ZCCHC7: variants seen among roughly 807,000 people sequenced by gnomAD.
ZCCHC7 encodes zinc finger CCHC domain-containing protein 7.
A neutral mutation model predicts 52.0 loss-of-function variants in ZCCHC7; 35 were observed. That is an observed-to-expected ratio of 0.67 (90% CI 0.51 to 0.89). The LOEUF (loss-of-function observed/expected upper bound fraction) is 0.89. Among genes scored for constraint, ZCCHC7 ranks in the 40% least tolerant of loss-of-function variants. The probability of loss-of-function intolerance (pLI) is 0.00; values close to 1 mark genes in which losing one functional copy is unlikely to be tolerated. For synonymous variants in ZCCHC7, 217 were observed against 221.5 expected (o/e 0.98, Z 0.18); for missense variants, 574 against 649.1 (o/e 0.88, Z 1.26).
At chr9:37,127,818 A>G (rs1363305305) in intron 2 of ZCCHC7, among the ~76,000 whole-genome samples, 1 of 152,172 alleles carries the variant, frequency 6.6e-6, no homozygotes, top group Admixed American at 6.5e-5. Flanking sequence ...AGCCCCTGGG[A>G]TTGGCAAATG....
chr9:37,255,645 T>G (rs1314937489), intron 2 of ZCCHC7, among the ~76,000 whole-genome samples: 1 of 152,142 alleles, frequency 6.6e-6, no homozygotes, highest in African/African-American at 2.4e-5. Flanking sequence ...ACTGAGCATT[T>G]GAAATGAGCT....
intron 2 of ZCCHC7, among the ~76,000 whole-genome samples, chr9:37,196,142 TC>T (rs1252198128): frequency 2.0e-5 from 3 of 152,062 alleles, no homozygotes; most frequent in Non-Finnish European, 4.4e-5. Context: ...GGAAAGAAAA[TC>T]CCAGGAATCA....
chr9:37,313,447 C>A (rs1829681043), intron 5 of ZCCHC7, among the ~76,000 whole-genome samples: 1 of 152,106 alleles, frequency 6.6e-6, no homozygotes, highest in South Asian at 2.1e-4. Context: ...GAACTGTTAC[C>A]AAGCCACCTA....
chr9:37,131,937 T>C (rs1025655378), intron 2 of ZCCHC7, among the ~76,000 whole-genome samples: 9 of 152,240 alleles, frequency 5.9e-5, no homozygotes, highest in African/African-American at 2.2e-4. Flanking sequence ...CTATTACATA[T>C]GACTTTCAGC....
chr9:37,314,893 T>C (rs945693998), intron 5 of ZCCHC7, among the ~76,000 whole-genome samples: 1 of 152,126 alleles, frequency 6.6e-6, no homozygotes, highest in Non-Finnish European at 1.5e-5. Flanking sequence ...GACTTACTTA[T>C]AGGGATCTGT....
intron 2 of ZCCHC7, among the ~76,000 whole-genome samples, chr9:37,192,100 T>C (rs893199294): frequency 1.3e-5 from 2 of 152,224 alleles, no homozygotes; most frequent in East Asian, 3.8e-4. Context: ...TTCAGAACTT[T>C]AGTTAAAAAG....
intron 5 of ZCCHC7, among the ~76,000 whole-genome samples, chr9:37,321,204 G>A (rs1449166738): frequency 6.6e-6 from 1 of 151,688 alleles, no homozygotes; most frequent in Non-Finnish European, 1.5e-5. Flanking sequence ...TAGCCAGGAT[G>A]GTCTTGATCT....
At chr9:37,345,123 C>A (rs1171427296) in intron 6 of ZCCHC7, among the ~76,000 whole-genome samples, 1 of 152,240 alleles carries the variant, frequency 6.6e-6, no homozygotes, top group African/African-American at 2.4e-5. Context: ...CACTTGCCAA[C>A]AACTTCCTAT....
intron 5 of ZCCHC7, among the ~76,000 whole-genome samples, chr9:37,313,098 C>T (rs1829666076): frequency 6.6e-6 from 1 of 152,200 alleles, no homozygotes; most frequent in African/African-American, 2.4e-5. Flanking sequence ...GTGTGCATTA[C>T]ACCTACCTTT....
At chr9:37,120,434 G>T (rs1842249321), upstream of ZCCHC7, 1 of 395,608 alleles carries the variant, frequency 2.5e-6, no homozygotes. Flanking sequence ...CACCCACTAC[G>T]CATGCGCACA....
In ZCCHC7 at chr9:37,133,663, A is replaced by C. The variant is rs527792626; in HGVS notation, c.610+6721A>C. On this transcript the variant is annotated intron_variant, in intron 2 of 8. Transcript: ENST00000336755. ...GAGTGCGGTGGCGTTATCTTGGCTC[A>C]CTGCAACCTCCGCCTCCCAGGTTCA... Among the ~76,000 whole-genome samples, 34 of 152,212 alleles carry C rather than the reference A, an allele frequency of 2.2e-4. No homozygotes were observed. The South Asian group carries it at 5.0e-3, about 22-fold the overall frequency.
At chr9:37,133,969 C>T (rs548513548) in intron 2 of ZCCHC7, among the ~76,000 whole-genome samples, 5 of 152,274 alleles carry the variant, frequency 3.3e-5, no homozygotes, top group South Asian at 2.1e-4. Flanking sequence ...AGTGATCCAC[C>T]GGCCTTGGCC....
At chr9:37,198,365 A>C (rs555179900) in intron 2 of ZCCHC7, among the ~76,000 whole-genome samples, 1 of 152,314 alleles carries the variant, frequency 6.6e-6, no homozygotes, top group East Asian at 1.9e-4. Flanking sequence ...CTCAATAAAA[A>C]AGTTTTAATG....
At chr9:37,164,592 GAAGAA>G (rs1821318419) in intron 2 of ZCCHC7, among the ~76,000 whole-genome samples, 4 of 151,970 alleles carry the variant, frequency 2.6e-5, no homozygotes, top group Non-Finnish European at 2.9e-5. Context: ...GAAAAGAAAA[GAAGAA>G]AAGAAACAGG....
intron 2 of ZCCHC7, among the ~76,000 whole-genome samples, chr9:37,288,349 T>TC (rs1828363037): frequency 6.4e-5 from 1 of 15,730 alleles, no homozygotes; most frequent in Non-Finnish European, 1.1e-4. Flanking sequence ...GGTAGATAGA[T>TC]TTTTTTTTTT....
chr9:37,283,016 C>T (rs942166068), intron 2 of ZCCHC7, among the ~76,000 whole-genome samples: 5 of 151,544 alleles, frequency 3.3e-5, no homozygotes, highest in Non-Finnish European at 7.4e-5. Flanking sequence ...CATGCTACTA[C>T]TAATAGTTCC....
At chr9:37,197,141 G>A (rs7048971) in intron 2 of ZCCHC7, among the ~76,000 whole-genome samples, 7,718 of 152,176 alleles carry the variant, frequency 0.051, 641 homozygotes, top group African/African-American at 0.17. Flanking sequence ...TCAAAGCCAA[G>A]GTAGAGGAAC....
chr9:37,195,636 G>A (rs1823252581), intron 2 of ZCCHC7, among the ~76,000 whole-genome samples: 2 of 152,132 alleles, frequency 1.3e-5, no homozygotes, highest in Non-Finnish European at 2.9e-5. Flanking sequence ...GAAGGGAAAG[G>A]CATTGTAAAC....
intron 2 of ZCCHC7, among the ~76,000 whole-genome samples, chr9:37,227,118 AAT>A (rs1825153406): frequency 6.6e-6 from 1 of 152,182 alleles, no homozygotes; most frequent in African/African-American, 2.4e-5. Flanking sequence ...TAAAAAGAAA[AAT>A]ATAAAATTTG....
Sources: allele counts gnomAD v4.1 joint callset (sites outside exome capture counted in the v4.1 genomes callset), GRCh38; gene constraint gnomAD v4.1.1; transcripts MANE v1.5; gene names NCBI Gene and HGNC (gene_info 2026-07-23, HGNC 2026-07-21).